LRRC4C: variants seen among roughly 807,000 people sequenced by gnomAD.
LRRC4C encodes leucine-rich repeat-containing protein 4C.
In LRRC4C, 5 loss-of-function variants were observed where a neutral mutation model predicts 33.6. The observed-to-expected ratio is 0.15, with a 90% confidence interval of 0.08 to 0.31. LRRC4C has a LOEUF of 0.31. LRRC4C is among the 10% of genes least tolerant of loss of function. The pLI is 1.00. For synonymous variants in LRRC4C, 329 were observed against 302.0 expected (o/e 1.09, Z -0.93); for missense variants, 560 against 796.7 (o/e 0.70, Z 3.58).
intron 1 of LRRC4C, among the ~76,000 whole-genome samples, chr11:41,114,061 G>A (rs892047138): frequency 6.6e-6 from 1 of 151,908 alleles, no homozygotes; most frequent in African/African-American, 2.4e-5. Context: ...ATGTATATAT[G>A]TCTTTTCTGA....
chr11:40,956,127 G>A lies in LRRC4C; in HGVS notation c.-495-22404C>T, dbSNP rs1415796522. On this transcript the variant is annotated intron_variant, in intron 1 of 6. Transcript: ENST00000528697. Reference sequence around the variant, plus strand: ...CTTGAACAGTGAGCAATGGAACAACGTATATCTGAGGGTAGCACAAGTGAC... The same window carrying A: ...CTTGAACAGTGAGCAATGGAACAACATATATCTGAGGGTAGCACAAGTGAC... 4.6e-5 allele frequency among the ~76,000 whole-genome samples: 7 copies of A among 151,846 alleles called. No homozygotes were observed. The East Asian group carries it at 9.7e-4, about 21-fold the overall frequency.
At chr11:41,284,281 C>T (rs1949756376) in intron 1 of LRRC4C, among the ~76,000 whole-genome samples, 1 of 152,204 alleles carries the variant, frequency 6.6e-6, no homozygotes, top group African/African-American at 2.4e-5. Context: ...TATGGAAACA[C>T]TTCTGTGAAA....
At chr11:41,336,160 A>C (rs1356493126) in intron 1 of LRRC4C, among the ~76,000 whole-genome samples, 4 of 152,168 alleles carry the variant, frequency 2.6e-5, no homozygotes, top group Non-Finnish European at 5.9e-5. Context: ...CATAAAACTC[A>C]GAATTCATTG....
At chr11:40,587,960 G>A (rs1454465368) in intron 3 of LRRC4C, among the ~76,000 whole-genome samples, 7 of 152,050 alleles carry the variant, frequency 4.6e-5, no homozygotes, top group Admixed American at 6.6e-5. Flanking sequence ...GTCTCTGCCC[G>A]GCTTTGGTAT....
chr11:40,938,783 T>C (rs1349581877), intron 1 of LRRC4C, among the ~76,000 whole-genome samples: 1 of 152,146 alleles, frequency 6.6e-6, no homozygotes, highest in Admixed American at 6.6e-5. Context: ...TCTTCATCCT[T>C]AAATGAAGGG....
chr11:40,718,605 GT>G (rs755277971), intron 2 of LRRC4C, among the ~76,000 whole-genome samples: 1 of 152,118 alleles, frequency 6.6e-6, no homozygotes, highest in Non-Finnish European at 1.5e-5. Flanking sequence ...TAAACTACAA[GT>G]CAAATAGCAC....
intron 2 of LRRC4C, among the ~76,000 whole-genome samples, chr11:40,762,002 T>G (rs1378237464): frequency 6.6e-6 from 1 of 152,168 alleles, no homozygotes; most frequent in South Asian, 2.1e-4. Flanking sequence ...TACTCAAAAA[T>G]ACACAGTGAT....
intron 4 of LRRC4C, among the ~76,000 whole-genome samples, chr11:40,288,994 A>C (rs2136539745): frequency 6.6e-6 from 1 of 152,320 alleles, no homozygotes; most frequent in African/African-American, 2.4e-5. Flanking sequence ...ATTTCATTTA[A>C]ATATTATTTT....
chr11:40,268,847 A>G (rs1942475231), intron 4 of LRRC4C, among the ~76,000 whole-genome samples: 1 of 152,174 alleles, frequency 6.6e-6, no homozygotes, highest in South Asian at 2.1e-4. Flanking sequence ...TGATAATTTT[A>G]AACTTCCTCA....
At chr11:40,970,861 C>T (rs1254481513) in intron 1 of LRRC4C, among the ~76,000 whole-genome samples, 1 of 152,140 alleles carries the variant, frequency 6.6e-6, no homozygotes, top group African/African-American at 2.4e-5. Flanking sequence ...CTGTTCTGTG[C>T]CCCTCTTCTA....
At chr11:40,199,744 C>T (rs1051601715) in intron 5 of LRRC4C, among the ~76,000 whole-genome samples, 2 of 152,006 alleles carry the variant, frequency 1.3e-5, no homozygotes, top group South Asian at 2.1e-4. Flanking sequence ...ATTAATTTTG[C>T]TTTCCAACTA....
chr11:40,992,094 C>G (rs559580784), intron 1 of LRRC4C, among the ~76,000 whole-genome samples: 1 of 152,190 alleles, frequency 6.6e-6, no homozygotes, highest in Non-Finnish European at 1.5e-5. Flanking sequence ...TATCACATAT[C>G]CACAATTAAC....
In LRRC4C at chr11:40,844,017, C is replaced by T. The variant is rs74993059; in HGVS notation, c.-407+89618G>A. 9.8e-3 allele frequency among the ~76,000 whole-genome samples: 1,497 copies of T among 152,186 alleles called. 23 individuals carry two copies. Among genetic ancestry groups the T allele is most frequent in the African/African-American group, 0.033 (1,364 of 41,550 alleles). The stretch of plus-strand genomic sequence containing the variant: ...TGAAAGATGCAGATAAATTCTGAGA[C>T]ATTATTGGTGCTCTAGTCACTTATT... On this transcript the variant is annotated intron_variant, in intron 2 of 6. Transcript: ENST00000528697.
intron 1 of LRRC4C, among the ~76,000 whole-genome samples, chr11:41,098,627 T>A (rs1940967858): frequency 6.6e-6 from 1 of 152,200 alleles, no homozygotes; most frequent in Admixed American, 6.6e-5. Flanking sequence ...AATCTTTGCT[T>A]GTACCTTAGT....
chr11:40,960,328 A>G (rs1403214587), intron 1 of LRRC4C, among the ~76,000 whole-genome samples: 1 of 151,800 alleles, frequency 6.6e-6, no homozygotes, highest in Non-Finnish European at 1.5e-5. Context: ...GATGTCAATG[A>G]TATGTAAGAA....
At chr11:40,683,002 A>G (rs1944772960) in intron 2 of LRRC4C, among the ~76,000 whole-genome samples, 2 of 152,206 alleles carry the variant, frequency 1.3e-5, no homozygotes, top group South Asian at 2.1e-4. Context: ...AAGATAGAAG[A>G]TGGCTGGATG....
intron 5 of LRRC4C, among the ~76,000 whole-genome samples, chr11:40,187,555 C>T (rs1027145888): frequency 1.3e-5 from 2 of 152,140 alleles, no homozygotes; most frequent in African/African-American, 4.8e-5. Context: ...GTTTCAAGCA[C>T]CACACGATAT....
At chr11:41,378,022 A>G (rs1459951507) in intron 1 of LRRC4C, among the ~76,000 whole-genome samples, 2 of 152,240 alleles carry the variant, frequency 1.3e-5, no homozygotes, top group Admixed American at 6.5e-5. Context: ...GTGCTTCAGA[A>G]AGGCGGGCAG....
At chr11:40,901,154 T>A (rs1956179609) in intron 2 of LRRC4C, among the ~76,000 whole-genome samples, 1 of 150,342 alleles carries the variant, frequency 6.7e-6, no homozygotes, top group African/African-American at 2.5e-5. Context: ...CCTGATCTTA[T>A]TTTTTAAAAA....
Sources: allele counts gnomAD v4.1 joint callset (sites outside exome capture counted in the v4.1 genomes callset), GRCh38; gene constraint gnomAD v4.1.1; transcripts MANE v1.5; gene names NCBI Gene and HGNC (gene_info 2026-07-23, HGNC 2026-07-21).